The following CPNE4 variants were observed in gnomAD, a reference collection of about 807,000 sequenced individuals.
CPNE4 encodes the protein copine-4.
In CPNE4, 25 loss-of-function variants were observed where a neutral mutation model predicts 67.9. The ratio of observed to expected loss-of-function variants is 0.37; its 90% CI spans 0.27 to 0.51. CPNE4 has a LOEUF of 0.51. Among genes scored for constraint, CPNE4 ranks in the 20% least tolerant of loss-of-function variants. The pLI is 0.93. For synonymous variants in CPNE4, 242 were observed against 244.9 expected (o/e 0.99, Z 0.11); for missense variants, 464 against 690.8 (o/e 0.67, Z 3.68).
intron 2 of CPNE4, among the ~76,000 whole-genome samples, chr3:131,859,066 T>C (rs1354727484): frequency 1.3e-5 from 2 of 152,146 alleles, no homozygotes; most frequent in Non-Finnish European, 2.9e-5. Flanking sequence ...TCAAAAACAT[T>C]TATTATATTT....
chr3:131,664,958 T>C (rs1344207874), intron 7 of CPNE4, among the ~76,000 whole-genome samples: 2 of 152,216 alleles, frequency 1.3e-5, no homozygotes, highest in Admixed American at 1.3e-4. Context: ...AGTAAAAATA[T>C]GATCTGAATA....
At chr3:131,914,466 A>T (rs1397290193) in intron 1 of CPNE4, among the ~76,000 whole-genome samples, 1 of 151,648 alleles carries the variant, frequency 6.6e-6, no homozygotes, top group African/African-American at 2.4e-5. Flanking sequence ...CTTCCCCCAC[A>T]TTTCACAGAG....
upstream of CPNE4, chr3:132,037,464 T>C (rs2074360035): frequency 1.8e-5 from 16 of 893,960 alleles, no homozygotes; most frequent in South Asian, 2.0e-4. Flanking sequence ...TAATAATCCA[T>C]GTTTTCAATC....
intron 2 of CPNE4, among the ~76,000 whole-genome samples, chr3:131,780,275 T>C (rs1393190172): frequency 3.3e-5 from 5 of 152,168 alleles, no homozygotes; most frequent in Non-Finnish European, 7.4e-5. Flanking sequence ...GTCTGGATAT[T>C]TCTCAAAGAA....
At chr3:131,821,733 T>A (rs1321075972) in intron 2 of CPNE4, among the ~76,000 whole-genome samples, 1 of 152,222 alleles carries the variant, frequency 6.6e-6, no homozygotes, top group African/African-American at 2.4e-5. Flanking sequence ...TCCACACATA[T>A]AACTGCAGTT....
chr3:131,880,020 T>A (rs2087608715), intron 2 of CPNE4, among the ~76,000 whole-genome samples: 1 of 152,080 alleles, frequency 6.6e-6, no homozygotes, highest in Non-Finnish European at 1.5e-5. Flanking sequence ...GATTCATACA[T>A]CTCTGTGTCC....
intron 1 of CPNE4, among the ~76,000 whole-genome samples, chr3:132,026,705 C>T (rs1421583841): frequency 1.3e-5 from 2 of 152,048 alleles, no homozygotes; most frequent in Non-Finnish European, 2.9e-5. Flanking sequence ...ATTAACATTA[C>T]TTTTTAAAAG....
chr3:131,730,843 G>C (rs1346957618), intron 2 of CPNE4, among the ~76,000 whole-genome samples: 2 of 152,148 alleles, frequency 1.3e-5, no homozygotes, highest in Non-Finnish European at 2.9e-5. Context: ...CTGATGTCTT[G>C]ATCTTGGACT....
At chr3:131,649,817 C>A (rs1363921351) in intron 7 of CPNE4, among the ~76,000 whole-genome samples, 1 of 152,190 alleles carries the variant, frequency 6.6e-6, no homozygotes, top group African/African-American at 2.4e-5. Flanking sequence ...ATTTACCACA[C>A]AATAATGGCC....
chr3:131,584,183 C>T (rs57513154), intron 8 of CPNE4, among the ~76,000 whole-genome samples: 7 of 152,032 alleles, frequency 4.6e-5, no homozygotes, highest in African/African-American at 1.2e-4. Flanking sequence ...CCTCAGGGTT[C>T]GAGCCTCCTG....
At chr3:131,606,115 AC>A (rs1233284826) in intron 7 of CPNE4, among the ~76,000 whole-genome samples, 2 of 152,174 alleles carry the variant, frequency 1.3e-5, no homozygotes, top group Non-Finnish European at 2.9e-5. Context: ...GCGCTTGAAG[AC>A]CAGAAAAGAA....
intron 7 of CPNE4, among the ~76,000 whole-genome samples, chr3:131,638,983 C>G (rs1374529773): frequency 6.6e-6 from 1 of 151,930 alleles, no homozygotes; most frequent in African/African-American, 2.4e-5. Flanking sequence ...GTGACACAAC[C>G]TATCAAAACC....
chr3:131,933,045 A>G (rs2071117638), intron 1 of CPNE4, among the ~76,000 whole-genome samples: 1 of 152,170 alleles, frequency 6.6e-6, no homozygotes. Flanking sequence ...CTTCAGGTCA[A>G]CATGGCTGAC....
intron 2 of CPNE4, among the ~76,000 whole-genome samples, chr3:131,798,832 G>A (rs1340296113): frequency 6.6e-6 from 1 of 151,976 alleles, no homozygotes; most frequent in Non-Finnish European, 1.5e-5. Context: ...TGGTATTACT[G>A]CAAATGCCAT....
At chr3:131,810,465 AACCACAAAGAGAT>A (rs1168995678) in intron 2 of CPNE4, among the ~76,000 whole-genome samples, 2 of 152,074 alleles carry the variant, frequency 1.3e-5, no homozygotes, top group Non-Finnish European at 1.5e-5. Context: ...CGCAAATCAA[AACCACAAAGAGAT>A]ACCACCTCAC....
At chr3:131,735,244 T>C (rs1199556489) in intron 2 of CPNE4, among the ~76,000 whole-genome samples, 2 of 152,178 alleles carry the variant, frequency 1.3e-5, no homozygotes, top group Non-Finnish European at 2.9e-5. Context: ...GGAACCCTAC[T>C]GCAAAAACAT....
intron 7 of CPNE4, among the ~76,000 whole-genome samples, chr3:131,655,551 C>T (rs1193059466): frequency 6.6e-6 from 1 of 152,090 alleles, no homozygotes; most frequent in African/African-American, 2.4e-5. Context: ...CATGGGATAG[C>T]TGTCATGAAA....
At chr3:131,933,257 G>T (rs559052758) in intron 1 of CPNE4, among the ~76,000 whole-genome samples, 12 of 152,160 alleles carry the variant, frequency 7.9e-5, no homozygotes, top group East Asian at 1.9e-4. Flanking sequence ...TAGAGAGGAG[G>T]TCATTACAGC....
At chr3:131,655,686 A>G (rs1437515651) in intron 7 of CPNE4, among the ~76,000 whole-genome samples, 1 of 152,140 alleles carries the variant, frequency 6.6e-6, no homozygotes, top group Non-Finnish European at 1.5e-5. Context: ...AGGTTGTAGA[A>G]AAAGTTCTGA....
Sources: allele counts gnomAD v4.1 joint callset (sites outside exome capture counted in the v4.1 genomes callset), GRCh38; gene constraint gnomAD v4.1.1; transcripts MANE v1.5; gene names NCBI Gene and HGNC (gene_info 2026-07-23, HGNC 2026-07-21).